Variants in SULT2A1 observed in about 807,000 individuals in gnomAD.
SULT2A1 encodes the protein sulfotransferase 2A1.
A neutral mutation model predicts 33.9 loss-of-function variants in SULT2A1; 43 were observed. That is an observed-to-expected ratio of 1.27 (90% confidence interval 1.00 to 1.64). The LOEUF (loss-of-function observed/expected upper bound fraction) is 1.64, where lower values mean the gene tolerates loss of function less well. SULT2A1 is among the 40% of genes most tolerant of loss of function. The probability of loss-of-function intolerance (pLI) is 0.00; values close to 1 mark genes in which losing one functional copy is unlikely to be tolerated. For synonymous variants in SULT2A1, 125 were observed against 113.6 expected (o/e 1.10, Z -0.64); for missense variants, 300 against 335.1 (o/e 0.90, Z 0.82).
In SULT2A1 at chr19:47,883,554, C is replaced by T. The variant is rs781202093; in HGVS notation, c.345+23G>A. On this transcript the variant is annotated intron_variant, in intron 2 of 5. Transcript: ENST00000222002. ...GTGTTTGAAAGGCACTGATCAAACA[C>T]GTCTTAACCATTATGCACTGACCTT... 19 of 1,609,430 alleles carry T rather than the reference C, an allele frequency of 1.2e-5. No homozygotes were observed. In the East Asian group the frequency reaches 2.9e-4, roughly 25 times the overall value.
intron 4 of SULT2A1, among the ~76,000 whole-genome samples, chr19:47,876,906 C>G (rs1197331866): frequency 6.6e-6 from 1 of 151,084 alleles, no homozygotes. Flanking sequence ...AACCCTGTCT[C>G]TACTAAAAAT....
intron 3 of SULT2A1, among the ~76,000 whole-genome samples, chr19:47,880,507 G>A (rs376073102): frequency 9.2e-5 from 14 of 151,568 alleles, no homozygotes; most frequent in East Asian, 3.9e-4. Flanking sequence ...ATTTTTTGTC[G>A]GGGCGGTGAG....
In SULT2A1 at chr19:47,884,260, A is replaced by T. The variant is rs540553084; in HGVS notation, c.137-475T>A. Among the ~76,000 whole-genome samples, 65 of 150,182 alleles carry T rather than the reference A, an allele frequency of 4.3e-4. 1 individual carries two copies. Among genetic ancestry groups the T allele is most frequent in the Non-Finnish European group, 6.7e-4 (45 of 67,488 alleles). The stretch of plus-strand genomic sequence containing the variant: ...GATCTCAGTTCACTGCAAGCTGTGC[A>T]TCCCGGGTTCATGCCATTCTCCTGC... On this transcript the variant is annotated intron_variant, in intron 1 of 5. Coordinates refer to ENST00000222002, the MANE Select transcript of SULT2A1 (RefSeq NM_003167.4).
intron 5 of SULT2A1, among the ~76,000 whole-genome samples, chr19:47,873,614 CTTTTTTTTTTTTT>C (rs61271763): frequency 2.7e-4 from 17 of 62,098 alleles, no homozygotes; most frequent in African/African-American, 9.4e-4. Flanking sequence ...GGACAGATCT[CTTTTTTTTTTTTT>C]TTTTTTTTTT....
chr19:47,874,233 C>A (rs918578930), intron 5 of SULT2A1, among the ~76,000 whole-genome samples: 10 of 152,030 alleles, frequency 6.6e-5, no homozygotes, highest in Non-Finnish European at 1.3e-4. Flanking sequence ...GTGTTCTGGG[C>A]GATGAGCAAT....
At position 47,886,313 on chromosome 19, in the gene SULT2A1, G is replaced by T; in HGVS notation, c.-56C>A. On this transcript the variant is annotated 5_prime_UTR_variant, in exon 1 of 6. Transcript: ENST00000222002. Reference sequence around the variant, plus strand: ...GTTTCAACTGTAGCCACCGCTGGAGGCTGTGGCAGCTACAGGCAGATCAGC... The same window carrying T: ...GTTTCAACTGTAGCCACCGCTGGAGTCTGTGGCAGCTACAGGCAGATCAGC... The T allele has an allele frequency of 3.1e-6, 5 of 1,594,618 alleles. No homozygotes were observed. The highest frequency in any genetic ancestry group is 4.3e-6 in the Non-Finnish European group (5 of 1,167,940).
At chr19:47,879,009 C>G (rs1303380263) in intron 4 of SULT2A1, 27 bp downstream of exon 4, 1 of 1,381,636 alleles carries the variant, frequency 7.2e-7, no homozygotes, top group Non-Finnish European at 1.0e-6. Context: ...AGAGGGTGTG[C>G]ACTGACTCTA....
At chr19:47,883,890 G>A in intron 1 of SULT2A1, 105 bp from the exon 2 acceptor site, 1 of 1,009,128 alleles carries the variant, frequency 9.9e-7, no homozygotes, top group Non-Finnish European at 1.5e-6. Context: ...AAGTGATCAT[G>A]AGGTCAGGGG....
chr19:47,885,282 C>T (rs1968645407), intron 1 of SULT2A1, among the ~76,000 whole-genome samples: 1 of 152,210 alleles, frequency 6.6e-6, no homozygotes, highest in Non-Finnish European at 1.5e-5. Context: ...CGCCAGTGTA[C>T]TTTCTGTTTC....
chr19:47,871,730 A>C (rs1473546475), intron 5 of SULT2A1, among the ~76,000 whole-genome samples, 163 bp from the exon 6 acceptor site: 1 of 152,010 alleles, frequency 6.6e-6, no homozygotes, highest in African/African-American at 2.4e-5. Context: ...AGCTGGAAAC[A>C]ATTTCCTATT....
At position 47,874,731 on chromosome 19, in the gene SULT2A1, T is replaced by C; in HGVS notation, c.671A>G (p.Lys224Arg). ...ILKNSSFQSM[K>R]ENKMSNYSLL... ...GGAATAATTGGACATCTTGTTTTCT[T>C]TCATGCTCTGAAAGGAGCTGTTCTT... The change falls in exon 5 of 6, where the codon AAA (lysine) becomes AGA (arginine). Residue 224 changes from lysine (K) to arginine (R), a missense_variant. Lys to Arg is a conservative substitution (Grantham distance 26). Coordinates refer to ENST00000222002, the MANE Select transcript of SULT2A1 (RefSeq NM_003167.4). The C allele has an allele frequency of 6.2e-7, 1 of 1,614,168 alleles. No homozygotes were observed. Among genetic ancestry groups the C allele is most frequent in the Non-Finnish European group, 8.5e-7 (1 of 1,180,014 alleles).
In SULT2A1 at chr19:47,886,040, A is replaced by T. The variant is rs541332992; in HGVS notation, c.136+82T>A. On this transcript the variant is annotated intron_variant, in intron 1 of 5. Coordinates refer to ENST00000222002, the MANE Select transcript of SULT2A1 (RefSeq NM_003167.4). ...CTTAAAGCATTGTACACTGTCTGAC[A>T]TAAAGGAAGAACTCCAATCATGCAC... 13 of 1,523,274 alleles carry T rather than the reference A, an allele frequency of 8.5e-6. 1 individual carries two copies. The highest frequency in any genetic ancestry group is 6.8e-5 in the East Asian group (3 of 44,372). The allele number at this position is 1,523,274 out of a possible 1,614,324, so 94.4% of individuals were successfully genotyped here.
intron 5 of SULT2A1, among the ~76,000 whole-genome samples, chr19:47,872,761 C>CTT (rs543237237): frequency 0.016 from 2,281 of 139,826 alleles, 67 homozygotes; most frequent in African/African-American, 0.056. Context: ...CAGCATTTAT[C>CTT]TTTTTTTTTT....
At chr19:47,883,034 C>T (rs1318232789) in intron 2 of SULT2A1, among the ~76,000 whole-genome samples, 1 of 152,044 alleles carries the variant, frequency 6.6e-6, no homozygotes, top group East Asian at 1.9e-4. Context: ...TTGTGATCAC[C>T]CCTCTGCCCC....
chr19:47,883,547 T>A (rs1413886743), intron 2 of SULT2A1, 30 bp downstream of exon 2: 1 of 1,605,528 alleles, frequency 6.2e-7, no homozygotes, highest in Middle Eastern at 1.7e-4. Context: ...AAGGCACTGA[T>A]CAAACACGTC....
chr19:47,871,470 C>T lies in SULT2A1; in HGVS notation c.843G>A (p.Leu281=), dbSNP rs201140355. ...GTTTTGGACGTTATTCCCATGGGAACAGCTCTCGAGGAAGATCTGCCATCT... is the reference window on the plus strand; with the variant it reads ...GTTTTGGACGTTATTCCCATGGGAATAGCTCTCGAGGAAGATCTGCCATCT... The part of the protein sequence containing the change: ...QEKMADLPRE[L]FPWE Residue 281 remains leucine (L), a synonymous_variant, in exon 6 of 6, where the codon CTG becomes CTA. Coordinates refer to ENST00000222002, the MANE Select transcript of SULT2A1 (RefSeq NM_003167.4). The T allele has an allele frequency of 7.4e-5, 120 of 1,613,676 alleles. No individual in the cohort carries two copies. Among genetic ancestry groups the T allele is most frequent in the Non-Finnish European group, 9.4e-5 (111 of 1,179,642 alleles).
rs1968490538 is a variant in SULT2A1, at chr19:47,871,363, A to G, written c.*92T>C. Reference sequence around the variant, plus strand: ...ATATTTAAGGTTTCAGGATAAAATAATAAGTCTTACACAATGACCCCAGTC... The same window carrying G: ...ATATTTAAGGTTTCAGGATAAAATAGTAAGTCTTACACAATGACCCCAGTC... On this transcript the variant is annotated 3_prime_UTR_variant, in exon 6 of 6. Transcript: ENST00000222002. 3 of 930,482 alleles carry G rather than the reference A, an allele frequency of 3.2e-6. No individual in the cohort carries two copies. The highest frequency in any genetic ancestry group is 3.0e-5 in the South Asian group (2 of 66,918). 57.6% of individuals were successfully genotyped at this position (930,482 alleles called of 1,614,324 possible).
chr19:47,883,188 C>T (rs1046496290), intron 2 of SULT2A1, among the ~76,000 whole-genome samples: 3 of 151,980 alleles, frequency 2.0e-5, no homozygotes, highest in African/African-American at 7.3e-5. Flanking sequence ...ATAGGAACAC[C>T]TCTGTGTCTT....
At chr19:47,878,982 A>G in intron 4 of SULT2A1, 54 bp downstream of exon 4, 1 of 1,129,450 alleles carries the variant, frequency 8.9e-7, no homozygotes, top group South Asian at 1.2e-5. Flanking sequence ...AATTTAAGGA[A>G]AGTAAGGATG....
Sources: gnomAD v4.1 joint callset for allele counts (sites outside exome capture counted in the v4.1 genomes callset) on GRCh38, gnomAD v4.1.1 for gene constraint, MANE v1.5 for transcripts, NCBI Gene and HGNC (gene_info 2026-07-23, HGNC 2026-07-21) for gene names.